Variants in SLC13A4 observed in about 807,000 individuals in gnomAD.
SLC13A4 encodes solute carrier family 13 member 4.
SLC13A4 carries 28 observed loss-of-function variants against 72.7 expected under a neutral mutation model. The ratio of observed to expected loss-of-function variants is 0.39; its 90% CI spans 0.29 to 0.53. The LOEUF is 0.53. SLC13A4 is among the 20% of genes least tolerant of loss of function. The pLI, the probability that SLC13A4 is intolerant of heterozygous loss-of-function variation, is 0.78. For synonymous variants in SLC13A4, 312 were observed against 325.5 expected, an observed-to-expected ratio of 0.96 and a Z score of 0.45; for missense variants, 653 against 788.0, an observed-to-expected ratio of 0.83 and a Z score of 2.05.
At chr7:135,682,489 G>A (rs747202366) in intron 15 of SLC13A4, among the ~76,000 whole-genome samples, 1 of 152,258 alleles carries the variant, frequency 6.6e-6, no homozygotes, top group Non-Finnish European at 1.5e-5. Context: ...AAAATTGCAA[G>A]GGGAAAGTGG....
At chr7:135,718,867 A>G (rs1226993755) in intron 2 of SLC13A4, among the ~76,000 whole-genome samples, 1 of 152,182 alleles carries the variant, frequency 6.6e-6, no homozygotes, top group Non-Finnish European at 1.5e-5. Context: ...TGGTTGTGGA[A>G]TAGGTGTTTT....
intron 13 of SLC13A4, among the ~76,000 whole-genome samples, chr7:135,686,732 C>T (rs1369621881): frequency 6.6e-6 from 1 of 152,172 alleles, no homozygotes; most frequent in Non-Finnish European, 1.5e-5. Flanking sequence ...ATTTATTCCA[C>T]TAGCAACAGT....
intron 13 of SLC13A4, among the ~76,000 whole-genome samples, chr7:135,686,373 AT>A (rs992567534): frequency 1.3e-5 from 2 of 151,678 alleles, no homozygotes; most frequent in African/African-American, 4.8e-5. Context: ...TCTGTCAGGA[AT>A]TTTTTTTTAA....
chr7:135,714,987 T>A (rs1199027670), intron 2 of SLC13A4, among the ~76,000 whole-genome samples: 3 of 102,806 alleles, frequency 2.9e-5, no homozygotes, highest in Non-Finnish European at 6.0e-5. Flanking sequence ...AGTGTGTGTA[T>A]GTGTGTGTAT....
intron 7 of SLC13A4, among the ~76,000 whole-genome samples, chr7:135,699,767 T>C (rs1040745018): frequency 9.9e-5 from 15 of 152,220 alleles, no homozygotes; most frequent in African/African-American, 3.4e-4. Context: ...TGAATTGTTG[T>C]GAAGAGTAAA....
chr7:135,682,111 A>G (rs1795516719), intron 15 of SLC13A4, among the ~76,000 whole-genome samples: 1 of 152,220 alleles, frequency 6.6e-6, no homozygotes, highest in African/African-American at 2.4e-5. Context: ...GGGCTATATT[A>G]CATGAAGCCT....
chr7:135,726,053 G>A (rs571223563), intron 1 of SLC13A4, among the ~76,000 whole-genome samples: 1 of 152,304 alleles, frequency 6.6e-6, no homozygotes, highest in African/African-American at 2.4e-5. Context: ...TGTGGGCAGT[G>A]GCCAAGGTCC....
At chr7:135,706,730 C>T (rs757336069) in intron 3 of SLC13A4, among the ~76,000 whole-genome samples, 36 of 152,164 alleles carry the variant, frequency 2.4e-4, no homozygotes, top group Non-Finnish European at 1.2e-4. Flanking sequence ...CTTGCTTTGC[C>T]GCCAAGTCAC....
chr7:135,709,401 A>T (rs1242732578), intron 2 of SLC13A4, among the ~76,000 whole-genome samples: 2 of 135,968 alleles, frequency 1.5e-5, no homozygotes, highest in Admixed American at 7.5e-5. Context: ...TTCAGTGTAT[A>T]TTTTCCTTTC....
intron 6 of SLC13A4, 178 bp downstream of exon 6, chr7:135,702,667 C>G: frequency 1.6e-6 from 1 of 620,444 alleles, no homozygotes; most frequent in Non-Finnish European, 2.9e-6. Context: ...TGAGCCACCA[C>G]GCCCAGCCAA....
At chr7:135,684,029 A>G (rs1294328041) in intron 15 of SLC13A4, 95 bp downstream of exon 15, 1 of 1,395,780 alleles carries the variant, frequency 7.2e-7, no homozygotes, top group African/African-American at 1.4e-5. Flanking sequence ...GGCCAGGGAC[A>G]CTGCTACAAA....
chr7:135,719,809 G>GTA (rs1554480030), intron 2 of SLC13A4, among the ~76,000 whole-genome samples: 6,277 of 145,070 alleles, frequency 0.043, 222 homozygotes, highest in African/African-American at 0.097. Flanking sequence ...GTGTATGTGT[G>GTA]TGTGTGTGTG....
At chr7:135,716,517 T>A (rs189367119) in intron 2 of SLC13A4, among the ~76,000 whole-genome samples, 126 of 152,346 alleles carry the variant, frequency 8.3e-4, no homozygotes, top group Non-Finnish European at 1.4e-3. Context: ...TTCACCATGC[T>A]GGCCAGGCTG....
At chr7:135,695,097 CT>C (rs1795871860) in intron 9 of SLC13A4, among the ~76,000 whole-genome samples, 2 of 152,346 alleles carry the variant, frequency 1.3e-5, no homozygotes, top group South Asian at 4.1e-4. Context: ...TCACCTCAGA[CT>C]TTGTATAAAC....
intron 14 of SLC13A4, among the ~76,000 whole-genome samples, chr7:135,684,505 T>C (rs894367845): frequency 1.3e-5 from 2 of 152,194 alleles, no homozygotes; most frequent in Admixed American, 6.5e-5. Flanking sequence ...GGATGTTTGA[T>C]TTTTTTGGTG....
At chr7:135,708,704 C>T (rs1206542251) in intron 2 of SLC13A4, among the ~76,000 whole-genome samples, 1 of 151,880 alleles carries the variant, frequency 6.6e-6, no homozygotes, top group African/African-American at 2.4e-5. Context: ...AAAATTAATA[C>T]ATACTCAGTA....
intron 2 of SLC13A4, among the ~76,000 whole-genome samples, chr7:135,717,614 T>C (rs185371366): frequency 9.2e-5 from 14 of 152,338 alleles, no homozygotes; most frequent in African/African-American, 2.9e-4. Flanking sequence ...GTCTGAGCTT[T>C]GCACACAACT....
chr7:135,721,266 A>G (rs1176279323), intron 2 of SLC13A4, 129 bp downstream of exon 2: 2 of 1,073,734 alleles, frequency 1.9e-6, no homozygotes, highest in East Asian at 4.9e-5. Context: ...CTTAGTGTTA[A>G]GGGGTCATTC....
chr7:135,686,223 C>T (rs1313107274), intron 13 of SLC13A4, among the ~76,000 whole-genome samples: 3 of 152,110 alleles, frequency 2.0e-5, no homozygotes, highest in Non-Finnish European at 2.9e-5. Flanking sequence ...GGAGGTTTTA[C>T]AGGAGTAATA....
Sources: gnomAD v4.1 joint callset for allele counts (sites outside exome capture counted in the v4.1 genomes callset) on GRCh38, gnomAD v4.1.1 for gene constraint, MANE v1.5 for transcripts, NCBI Gene and HGNC (gene_info 2026-07-23, HGNC 2026-07-21) for gene names.